UBR3: variants seen among roughly 807,000 people sequenced by gnomAD.
The protein encoded by UBR3 is ubiquitin protein ligase E3 component n-recognin 3, also known as E3 ubiquitin-protein ligase UBR3.
UBR3 carries 85 observed loss-of-function variants against 243.2 expected under a neutral mutation model. That is an observed-to-expected ratio of 0.35 (90% CI 0.29 to 0.42). The LOEUF (loss-of-function observed/expected upper bound fraction) is 0.42. Among genes scored for constraint, UBR3 ranks in the 10% least tolerant of loss-of-function variants. UBR3 has a pLI of 1.00. For synonymous variants in UBR3, 748 were observed against 799.8 expected, an observed-to-expected ratio of 0.94 and a Z score of 1.09; for missense variants, 1,686 against 2,300.8, an observed-to-expected ratio of 0.73 and a Z score of 5.47.
chr2:169,942,711 A>C, intron 20 of UBR3, 77 bp downstream of exon 20: 1 of 1,329,602 alleles, frequency 7.5e-7, no homozygotes, highest in Non-Finnish European at 9.8e-7. Context: ...TAATATTTAC[A>C]TAAAAGTACC....
chr2:170,069,748 C>G (rs1470516884), intron 35 of UBR3, among the ~76,000 whole-genome samples: 1 of 151,754 alleles, frequency 6.6e-6, no homozygotes, highest in Non-Finnish European at 1.5e-5. Flanking sequence ...ACAGCATTTC[C>G]TTCTTTTCTT....
At chr2:169,948,187 G>A (rs11691654) in intron 22 of UBR3, among the ~76,000 whole-genome samples, 70,760 of 151,284 alleles carry the variant, frequency 0.47, 18,453 homozygotes, top group Non-Finnish European at 0.6. Flanking sequence ...ATTAGTGTTC[G>A]AAGTATTTTG....
intron 33 of UBR3, among the ~76,000 whole-genome samples, chr2:170,060,292 A>G (rs2091431284): frequency 6.6e-6 from 1 of 152,162 alleles, no homozygotes; most frequent in African/African-American, 2.4e-5. Context: ...TCTTATTGAC[A>G]TAAATTTGAA....
intron 8 of UBR3, among the ~76,000 whole-genome samples, chr2:169,903,827 C>T (rs78808638): frequency 5.3e-4 from 81 of 152,106 alleles, no homozygotes; most frequent in Non-Finnish European, 1.2e-4. Context: ...TTGAGTCCAG[C>T]GTGGGCAACA....
chr2:169,957,366 G>A (rs1158513537), intron 23 of UBR3, among the ~76,000 whole-genome samples: 3 of 151,880 alleles, frequency 2.0e-5, no homozygotes, highest in Admixed American at 6.6e-5. Context: ...TATACACTGT[G>A]GAATACTATG....
At chr2:169,906,291 A>G in intron 10 of UBR3, 127 bp downstream of exon 10, 1 of 1,119,634 alleles carries the variant, frequency 8.9e-7, no homozygotes, top group Non-Finnish European at 1.2e-6. Context: ...CTTTATGAAA[A>G]CTGACCTGAG....
chr2:169,883,005 TA>T (rs1371664911), intron 5 of UBR3, among the ~76,000 whole-genome samples: 1 of 152,186 alleles, frequency 6.6e-6, no homozygotes, highest in East Asian at 1.9e-4. Context: ...GTTCTTTCTA[TA>T]AAGTGGATAA....
At chr2:169,838,678 AG>A (rs1471477619) in intron 1 of UBR3, among the ~76,000 whole-genome samples, 6 of 152,152 alleles carry the variant, frequency 3.9e-5, no homozygotes, top group Admixed American at 2.0e-4. Context: ...GCCCCCAAAA[AG>A]TTTATGTCCT....
chr2:169,890,569 A>ATATATATATG (rs1415148340), intron 5 of UBR3, among the ~76,000 whole-genome samples: 8,073 of 98,460 alleles, frequency 0.082, 939 homozygotes, highest in African/African-American at 0.12. Flanking sequence ...ATATATGTGT[A>ATATATATATG]TATATATATA....
chr2:169,870,965 T>TA lies in UBR3; in HGVS notation c.546-1256dup, dbSNP rs552094980. On this transcript the variant is annotated intron_variant, in intron 1 of 38. Transcript: ENST00000272793. ...CACTGTGCCTGGCCAAAACTGTCTT[T>TA]AAAAAAAAAAAAAAAGATCAATTTT... 5.2e-3 allele frequency among the ~76,000 whole-genome samples: 744 copies of TA among 141,830 alleles called. 9 individuals carry two copies. Among genetic ancestry groups the TA allele is most frequent in the East Asian group, 0.035 (174 of 4,944 alleles). The allele number at this position is 141,830 out of a possible 152,430, so 93.0% of individuals were successfully genotyped here.
At chr2:169,973,502 C>G (rs1484301603) in intron 24 of UBR3, among the ~76,000 whole-genome samples, 1 of 151,958 alleles carries the variant, frequency 6.6e-6, no homozygotes, top group Admixed American at 6.6e-5. Flanking sequence ...ATCACACTAC[C>G]TGACTTCAAA....
chr2:170,077,482 A>G (rs901695233), intron 36 of UBR3: 3 of 1,401,524 alleles, frequency 2.1e-6, no homozygotes, highest in African/African-American at 2.9e-5. Flanking sequence ...ACGCAAGCCC[A>G]TTGGCCTGAT....
chr2:169,920,966 T>C (rs2085674497), intron 11 of UBR3, among the ~76,000 whole-genome samples: 1 of 152,170 alleles, frequency 6.6e-6, no homozygotes, highest in Non-Finnish European at 1.5e-5. Flanking sequence ...ATCACTAAAA[T>C]CTAGGCACTA....
At chr2:169,971,404 C>T (rs1377885700) in intron 24 of UBR3, among the ~76,000 whole-genome samples, 2 of 150,020 alleles carry the variant, frequency 1.3e-5, no homozygotes, top group Non-Finnish European at 3.0e-5. Context: ...CTTGCCCATG[C>T]CTATGTCCTG....
intron 27 of UBR3, among the ~76,000 whole-genome samples, chr2:170,001,700 A>AGCCTGGCCAACGTGGCC (rs1332612092): frequency 3.3e-4 from 50 of 152,084 alleles, no homozygotes; most frequent in Admixed American, 3.3e-3. Flanking sequence ...GTTCGAGACC[A>AGCCTGGCCAACGTGGCC]GCCTGGCCAA....
intron 33 of UBR3, among the ~76,000 whole-genome samples, chr2:170,059,009 A>G (rs2091402232): frequency 6.6e-6 from 1 of 151,944 alleles, no homozygotes; most frequent in South Asian, 2.1e-4. Context: ...TAACCCACAT[A>G]CTTTTGCCAC....
chr2:170,028,295 A>G (rs2090583371), intron 30 of UBR3, among the ~76,000 whole-genome samples: 1 of 151,782 alleles, frequency 6.6e-6, no homozygotes, highest in Non-Finnish European at 1.5e-5. Flanking sequence ...TGTACACCCC[A>G]TACTACCCCA....
At chr2:170,064,911 C>T (rs543689905) in intron 35 of UBR3, among the ~76,000 whole-genome samples, 70 of 149,442 alleles carry the variant, frequency 4.7e-4, no homozygotes, top group Non-Finnish European at 4.1e-4. Context: ...GGCGCGGTCT[C>T]GGCTCACTGC....
intron 14 of UBR3, 127 bp downstream of exon 14, chr2:169,925,874 C>T: frequency 1.1e-6 from 1 of 913,326 alleles, no homozygotes; most frequent in Non-Finnish European, 1.5e-6. Flanking sequence ...TAATTTTTTA[C>T]TTACATTTCC....
Sources: allele counts gnomAD v4.1 joint callset (sites outside exome capture counted in the v4.1 genomes callset), GRCh38; gene constraint gnomAD v4.1.1; transcripts MANE v1.5; gene names NCBI Gene and HGNC (gene_info 2026-07-23, HGNC 2026-07-21).